CDH2: variants seen among roughly 807,000 people sequenced by gnomAD.
CDH2 encodes the protein cadherin-2.
Under a neutral mutation model 92.0 loss-of-function variants are expected in CDH2, and 17 were observed. The ratio of observed to expected loss-of-function variants is 0.18; its 90% confidence interval spans 0.13 to 0.28. CDH2 has a LOEUF of 0.28. Ranked by LOEUF, CDH2 falls within the 10% of genes least tolerant of loss-of-function variation. The pLI, the probability that CDH2 is intolerant of heterozygous loss-of-function variation, is 1.00. For synonymous variants in CDH2, 419 were observed against 415.9 expected (o/e 1.01, Z -0.09); for missense variants, 862 against 1,133.1 (o/e 0.76, Z 3.44).
chr18:27,957,133 C>CCATCCAT (rs1555627674), intron 15 of CDH2, among the ~76,000 whole-genome samples: 1 of 151,354 alleles, frequency 6.6e-6, no homozygotes, highest in Non-Finnish European at 1.5e-5. Flanking sequence ...ATCCATCCAT[C>CCATCCAT]CCATCCATCC....
intron 2 of CDH2, among the ~76,000 whole-genome samples, chr18:28,047,207 T>C (rs1299734441): frequency 1.3e-5 from 2 of 152,112 alleles, no homozygotes; most frequent in Non-Finnish European, 2.9e-5. Flanking sequence ...CACCAAGAGA[T>C]TTAAATACCT....
intron 2 of CDH2, among the ~76,000 whole-genome samples, chr18:28,127,865 G>C (rs1487870489): frequency 6.6e-6 from 1 of 152,202 alleles, no homozygotes; most frequent in African/African-American, 2.4e-5. Context: ...TATGTGCACA[G>C]GTATCAAAGC....
intron 6 of CDH2, among the ~76,000 whole-genome samples, chr18:27,936,010 A>G (rs1415792375): frequency 3.3e-5 from 5 of 152,298 alleles, no homozygotes; most frequent in East Asian, 1.9e-4. Context: ...ACACAACTGT[A>G]ATATTGACAG....
At chr18:28,167,794 T>C (rs1203342372) in intron 1 of CDH2, among the ~76,000 whole-genome samples, 2 of 152,164 alleles carry the variant, frequency 1.3e-5, no homozygotes, top group Non-Finnish European at 2.9e-5. Flanking sequence ...AATCTGAATT[T>C]TGAGTTCCCT....
chr18:28,065,253 A>G (rs2014484886), intron 2 of CDH2, among the ~76,000 whole-genome samples: 1 of 152,108 alleles, frequency 6.6e-6, no homozygotes, highest in Non-Finnish European at 1.5e-5. Context: ...ATGTGACAAG[A>G]TCTAAGCCAA....
intron 15 of CDH2, among the ~76,000 whole-genome samples, chr18:27,953,685 G>A (rs2143856755): frequency 6.6e-6 from 1 of 152,188 alleles, no homozygotes; most frequent in Non-Finnish European, 1.5e-5. Context: ...TAGTGGTTAA[G>A]AGATCAGACT....
intron 2 of CDH2, among the ~76,000 whole-genome samples, chr18:28,071,062 G>A (rs1448484335): frequency 2.0e-5 from 3 of 152,002 alleles, no homozygotes; most frequent in East Asian, 1.9e-4. Context: ...AAAGAATGAT[G>A]TGTATCTCCC....
chr18:28,153,991 C>G (rs1433776466), intron 1 of CDH2, among the ~76,000 whole-genome samples: 1 of 152,126 alleles, frequency 6.6e-6, no homozygotes, highest in Non-Finnish European at 1.5e-5. Flanking sequence ...TCTCAAGAGG[C>G]ATGATGGATA....
Position 27,963,468 on chromosome 18 carries a change from G to A in CDH2, c.2403C>T (p.Ile801=), listed in dbSNP as rs375175765. The change falls in exon 15 of 16, where the codon ATC becomes ATT. Residue 801 remains isoleucine (I), a synonymous_variant. Transcript: ENST00000269141. The part of the protein sequence containing the change: ...QQPDTVEPDA[I]KPVGIRRMDE... ...CCATTCGTCGGATTCCCACAGGCTT[G>A]ATGGCATCAGGCTCCACAGTGTCAG... 3.1e-6 allele frequency: 5 copies of A among 1,613,912 alleles called. No homozygotes were observed. Among genetic ancestry groups the A allele is most frequent in the Non-Finnish European group, 4.2e-6 (5 of 1,180,000 alleles).
chr18:28,016,452 CA>C (rs1371024758), intron 2 of CDH2, among the ~76,000 whole-genome samples: 3 of 146,252 alleles, frequency 2.1e-5, no homozygotes, highest in African/African-American at 7.3e-5. Flanking sequence ...AATGAACAAA[CA>C]AAACCCAGGG....
chr18:28,029,306 T>C (rs1443368361), intron 2 of CDH2, among the ~76,000 whole-genome samples: 1 of 152,158 alleles, frequency 6.6e-6, no homozygotes, highest in African/African-American at 2.4e-5. Flanking sequence ...ATTTAAAGGT[T>C]ACTTAATTTT....
chr18:28,033,361 A>G (rs530810091), intron 2 of CDH2, among the ~76,000 whole-genome samples: 3 of 152,052 alleles, frequency 2.0e-5, no homozygotes, highest in Non-Finnish European at 4.4e-5. Flanking sequence ...TTTTATTGAG[A>G]AAAACAGTCT....
intron 2 of CDH2, among the ~76,000 whole-genome samples, chr18:28,066,274 AT>A (rs1459014136): frequency 6.6e-6 from 1 of 152,240 alleles, no homozygotes; most frequent in Non-Finnish European, 1.5e-5. Flanking sequence ...TACCTTCAAA[AT>A]TAATTACATA....
intron 2 of CDH2, among the ~76,000 whole-genome samples, chr18:28,131,502 TG>T (rs2015769375): frequency 6.6e-6 from 1 of 152,174 alleles, no homozygotes; most frequent in Non-Finnish European, 1.5e-5. Context: ...ACTGCAGTGG[TG>T]ATTTTATATT....
In CDH2 at chr18:28,177,054, A is replaced by C; in HGVS notation, c.-32T>G. On this transcript the variant is annotated 5_prime_UTR_variant, in exon 1 of 16. Transcript: ENST00000269141. Reference sequence around the variant, plus strand: ...GGAGAGGGGCCGAGCGAAGAGCCGGAGGAGGCGGCGGCGGCGGCGGCGGCG... The same window carrying C: ...GGAGAGGGGCCGAGCGAAGAGCCGGCGGAGGCGGCGGCGGCGGCGGCGGCG... The C allele has an allele frequency of 3.5e-6, 5 of 1,434,688 alleles. No homozygotes were observed. In the South Asian group the frequency reaches 5.2e-5, roughly 15 times the overall value. 88.9% of individuals were successfully genotyped at this position (1,434,688 alleles called of 1,614,324 possible).
intron 1 of CDH2, among the ~76,000 whole-genome samples, chr18:28,151,278 A>G (rs933879738): frequency 3.9e-5 from 6 of 152,230 alleles, no homozygotes; most frequent in Non-Finnish European, 7.3e-5. Context: ...GGGGACATCT[A>G]TCAATGTGCA....
intron 1 of CDH2, among the ~76,000 whole-genome samples, chr18:28,165,323 T>C (rs886729362): frequency 1.2e-4 from 19 of 152,232 alleles, no homozygotes; most frequent in Admixed American, 2.6e-4. Flanking sequence ...GCTGGGACTA[T>C]AGGTGTGTGC....
intron 1 of CDH2, among the ~76,000 whole-genome samples, chr18:28,171,437 A>C (rs2016462943): frequency 6.6e-6 from 1 of 152,110 alleles, no homozygotes; most frequent in African/African-American, 2.4e-5. Context: ...TTTAAGCCTA[A>C]AAATAATTTT....
intron 2 of CDH2, among the ~76,000 whole-genome samples, chr18:28,038,469 G>T (rs1024143605): frequency 3.3e-5 from 5 of 150,756 alleles, no homozygotes; most frequent in African/African-American, 1.2e-4. Flanking sequence ...GTGTCTATGT[G>T]TGTGTATGAA....
Sources: gnomAD v4.1 joint callset for allele counts (sites outside exome capture counted in the v4.1 genomes callset) on GRCh38, gnomAD v4.1.1 for gene constraint, MANE v1.5 for transcripts, NCBI Gene and HGNC (gene_info 2026-07-23, HGNC 2026-07-21) for gene names.